DNAH14: variants seen among roughly 807,000 people sequenced by gnomAD.
The protein encoded by DNAH14 is axonemal beta dynein heavy chain 14.
In DNAH14, 478 loss-of-function variants were observed where a neutral mutation model predicts 520.9. That is an observed-to-expected ratio of 0.92 (90% CI 0.85 to 0.99). The LOEUF (loss-of-function observed/expected upper bound fraction) is 0.99, where lower values mean the gene tolerates loss of function less well. DNAH14 is among the 50% of genes least tolerant of loss of function. DNAH14 has a pLI of 0.00. For synonymous variants in DNAH14, 1,581 were observed against 1,757.2 expected (o/e 0.90, Z 2.51); for missense variants, 4,831 against 5,234.5 (o/e 0.92, Z 2.38).
intron 8 of DNAH14, among the ~76,000 whole-genome samples, chr1:224,995,834 C>T (rs1030644408): frequency 2.0e-5 from 3 of 152,036 alleles, no homozygotes; most frequent in Non-Finnish European, 4.4e-5. Flanking sequence ...TTGAAACTCT[C>T]TATTGCATTA....
At chr1:225,115,602 C>A (rs929528220) in intron 23 of DNAH14, among the ~76,000 whole-genome samples, 1 of 152,078 alleles carries the variant, frequency 6.6e-6, no homozygotes, top group African/African-American at 2.4e-5. Flanking sequence ...ATTATCTGCC[C>A]ATATAGGCCC....
chr1:225,386,681 G>T (rs1037794849), intron 81 of DNAH14, among the ~76,000 whole-genome samples: 1 of 152,230 alleles, frequency 6.6e-6, no homozygotes, highest in Non-Finnish European at 1.5e-5. Flanking sequence ...ACCACAATGG[G>T]ATACCATCTC....
chr1:225,016,839 G>A (rs1558691405), intron 10 of DNAH14, among the ~76,000 whole-genome samples: 1 of 151,358 alleles, frequency 6.6e-6, no homozygotes, highest in African/African-American at 2.4e-5. Context: ...GAAGGTCTCA[G>A]TTGCATTTTT....
intron 8 of DNAH14, among the ~76,000 whole-genome samples, chr1:224,974,894 C>T (rs968905570): frequency 1.1e-4 from 16 of 152,144 alleles, no homozygotes; most frequent in Non-Finnish European, 1.6e-4. Context: ...TTTTGAGATA[C>T]GTCCTATCAA....
intron 1 of DNAH14, among the ~76,000 whole-genome samples, chr1:224,952,098 C>T (rs1290341011): frequency 6.6e-6 from 1 of 152,180 alleles, no homozygotes; most frequent in Non-Finnish European, 1.5e-5. Flanking sequence ...TTACAGTACA[C>T]GGCCATGTAG....
intron 26 of DNAH14, 38 bp from the exon 27 acceptor site, chr1:225,123,489 T>A (rs1034891734): frequency 2.8e-6 from 1 of 355,900 alleles, no homozygotes; most frequent in African/African-American, 2.1e-5. Flanking sequence ...AATCAATGAT[T>A]AAGTATAAAT....
chr1:225,017,261 A>T (rs1243016684), intron 10 of DNAH14, among the ~76,000 whole-genome samples: 1 of 152,238 alleles, frequency 6.6e-6, no homozygotes, highest in African/African-American at 2.4e-5. Flanking sequence ...GCTTCAGCAC[A>T]TATAAGTAGT....
intron 8 of DNAH14, among the ~76,000 whole-genome samples, chr1:225,001,753 A>G (rs116798258): frequency 0.037 from 5,630 of 152,248 alleles, 131 homozygotes; most frequent in South Asian, 0.088. Context: ...GTTAATAAGT[A>G]CTGAGATTGT....
intron 23 of DNAH14, among the ~76,000 whole-genome samples, chr1:225,112,551 CCT>C (rs1416023749): frequency 2.0e-5 from 3 of 151,998 alleles, no homozygotes. Context: ...CATTTCAACC[CCT>C]GTCTTCATCT....
intron 35 of DNAH14, among the ~76,000 whole-genome samples, chr1:225,161,179 G>A (rs530759773): frequency 6.6e-6 from 1 of 152,000 alleles, no homozygotes; most frequent in Admixed American, 6.6e-5. Context: ...CCACTACCCT[G>A]CCCAGCCTCT....
chr1:225,205,917 A>G (rs1179330895), intron 39 of DNAH14, 54 bp from the exon 40 acceptor site: 32 of 1,398,870 alleles, frequency 2.3e-5, no homozygotes, highest in Non-Finnish European at 2.9e-5. Context: ...CAAGATTGTA[A>G]TGAAAGATGA....
At chr1:225,007,916 ATTTCTTT>A (rs2064311345) in intron 10 of DNAH14, among the ~76,000 whole-genome samples, 1 of 123,084 alleles carries the variant, frequency 8.1e-6, no homozygotes, top group Non-Finnish European at 1.7e-5. Context: ...GAGGATGTAC[ATTTCTTT>A]TTTCTTTTTT....
chr1:225,274,194 G>GTTTTTGTT (rs1193834939), intron 52 of DNAH14, among the ~76,000 whole-genome samples: 1 of 120,352 alleles, frequency 8.3e-6, no homozygotes, highest in African/African-American at 3.4e-5. Flanking sequence ...ACCAGCATCT[G>GTTTTTGTT]TTATTTTTTT....
Position 225,185,332 on chromosome 1 carries a change from A to G in DNAH14, c.5577A>G (p.Gly1859=), listed in dbSNP as rs747017266. 11 of 1,547,426 alleles carry G rather than the reference A, an allele frequency of 7.1e-6. No individual in the cohort carries two copies. The highest frequency in any genetic ancestry group is 9.6e-6 in the Non-Finnish European group (11 of 1,145,420). ...TGTTAGTGGGCCCAACAGGTGGAGG[A>G]AAGACAACAGTCAGAAGAATTTTGG... ...GVMLVGPTGG[G]KTTVRRILEK... is the part of the protein sequence containing the mutation. The change falls in exon 37 of 86, where the codon GGA becomes GGG. Residue 1859 remains glycine (G), a synonymous_variant. Transcript: ENST00000682510.
chr1:225,190,350 G>C (rs1283544636), intron 37 of DNAH14, among the ~76,000 whole-genome samples: 1 of 151,884 alleles, frequency 6.6e-6, no homozygotes, highest in Non-Finnish European at 1.5e-5. Context: ...TCTGATAACT[G>C]AGTTGTTACT....
intron 42 of DNAH14, among the ~76,000 whole-genome samples, chr1:225,233,174 A>G (rs535795214): frequency 6.6e-6 from 1 of 152,312 alleles, no homozygotes; most frequent in East Asian, 1.9e-4. Context: ...TCCATGGTGT[A>G]TATGTACCAC....
chr1:225,099,947 GT>G (rs2075308381), intron 22 of DNAH14, among the ~76,000 whole-genome samples: 1 of 151,810 alleles, frequency 6.6e-6, no homozygotes, highest in Non-Finnish European at 1.5e-5. Context: ...TTTGAATCAG[GT>G]TGAGGCTAGG....
intron 17 of DNAH14, among the ~76,000 whole-genome samples, chr1:225,062,703 G>T (rs2070333354): frequency 6.6e-6 from 1 of 152,138 alleles, no homozygotes; most frequent in Admixed American, 6.5e-5. Context: ...AGAGTGGAGG[G>T]TCTCAACAAT....
chr1:225,170,342 A>G (rs1387646695), intron 36 of DNAH14, among the ~76,000 whole-genome samples: 1 of 152,214 alleles, frequency 6.6e-6, no homozygotes, highest in Non-Finnish European at 1.5e-5. Context: ...ATAAAGAGTC[A>G]AGACCCATCA....
Sources: gnomAD v4.1 joint callset for allele counts (sites outside exome capture counted in the v4.1 genomes callset) on GRCh38, gnomAD v4.1.1 for gene constraint, MANE v1.5 for transcripts, NCBI Gene and HGNC (gene_info 2026-07-23, HGNC 2026-07-21) for gene names.